Variants in TANGO6 observed in about 807,000 individuals in gnomAD.
TANGO6 encodes transport and golgi organization 6 homolog.
TANGO6 carries 90 observed loss-of-function variants against 114.2 expected under a neutral mutation model. That is an observed-to-expected ratio of 0.79 (90% CI 0.66 to 0.94). TANGO6 has a LOEUF of 0.94. TANGO6 is among the 40% of genes least tolerant of loss of function. The pLI is 0.00. For synonymous variants in TANGO6, 477 were observed against 509.8 expected, an observed-to-expected ratio of 0.94 and a Z score of 0.87; for missense variants, 1,274 against 1,315.3, an observed-to-expected ratio of 0.97 and a Z score of 0.49.
chr16:69,045,526 G>A (rs1403766108), intron 17 of TANGO6, among the ~76,000 whole-genome samples: 1 of 150,630 alleles, frequency 6.6e-6, no homozygotes, highest in Admixed American at 6.7e-5. Context: ...GGCGGATCAC[G>A]AGTTCAGGAG....
chr16:68,943,419 A>G (rs1392779749), intron 14 of TANGO6, among the ~76,000 whole-genome samples: 1 of 145,822 alleles, frequency 6.9e-6, no homozygotes, highest in Non-Finnish European at 1.5e-5. Context: ...GCTGGAGTGC[A>G]GTGGCGCAGT....
intron 9 of TANGO6, 137 bp from the exon 10 acceptor site, chr16:68,907,306 A>C: frequency 9.9e-7 from 1 of 1,012,930 alleles, no homozygotes; most frequent in Non-Finnish European, 1.4e-6. Flanking sequence ...CAATAAAATA[A>C]GTTAAATAAA....
chr16:68,931,545 A>T (rs1963240014), intron 14 of TANGO6, among the ~76,000 whole-genome samples: 1 of 152,232 alleles, frequency 6.6e-6, no homozygotes, highest in South Asian at 2.1e-4. Flanking sequence ...TGTGGTATAT[A>T]TATGCAATGG....
At chr16:69,009,437 C>T (rs911747789) in intron 15 of TANGO6, among the ~76,000 whole-genome samples, 6 of 152,040 alleles carry the variant, frequency 3.9e-5, no homozygotes, top group South Asian at 2.1e-4. Flanking sequence ...ATTATTAGGC[C>T]GGTATATACT....
chr16:68,906,792 C>CT (rs35841953), intron 9 of TANGO6, among the ~76,000 whole-genome samples: 4,176 of 132,974 alleles, frequency 0.031, 112 homozygotes, highest in Admixed American at 0.079. Flanking sequence ...GTTTCTTCTT[C>CT]TTTTTTTTTT....
intron 4 of TANGO6, among the ~76,000 whole-genome samples, chr16:68,872,144 C>T (rs1019075439): frequency 6.6e-6 from 1 of 151,038 alleles, no homozygotes; most frequent in African/African-American, 2.4e-5. Flanking sequence ...TCGCTTGAAC[C>T]TGGGAGGTGG....
At chr16:69,043,256 AAGTG>A (rs1277330855) in intron 17 of TANGO6, among the ~76,000 whole-genome samples, 4 of 146,618 alleles carry the variant, frequency 2.7e-5, no homozygotes, top group African/African-American at 7.6e-5. Flanking sequence ...GAGAGAGTGA[AAGTG>A]AGAGCGAGCG....
At chr16:68,906,793 T>TTC (rs553727622) in intron 9 of TANGO6, among the ~76,000 whole-genome samples, 4 of 88,350 alleles carry the variant, frequency 4.5e-5, no homozygotes, top group African/African-American at 1.3e-4. Context: ...TTTCTTCTTC[T>TTC]TTTTTTTTTT....
chr16:69,015,145 G>A lies in TANGO6; in HGVS notation c.2843-7683G>A, dbSNP rs528171400. Among the ~76,000 whole-genome samples, 37 of 152,248 alleles carry A rather than the reference G, an allele frequency of 2.4e-4. No individual in the cohort carries two copies. The South Asian group carries it at 6.0e-3, about 25-fold the overall frequency. On this transcript the variant is annotated intron_variant, in intron 15 of 17. Coordinates refer to ENST00000261778, the MANE Select transcript of TANGO6 (RefSeq NM_024562.2). ...GGTAGCAGAGCCCCAAGAAATGAAG[G>A]CAAGGTCATAAATCCCCAAAGAAGA...
chr16:69,017,964 C>T (rs1050718360), intron 15 of TANGO6, among the ~76,000 whole-genome samples: 7 of 144,592 alleles, frequency 4.8e-5, no homozygotes, highest in South Asian at 2.2e-4. Flanking sequence ...AGTGCAATGG[C>T]GTGATCTCAG....
chr16:68,855,579 C>CA (rs956808719), intron 1 of TANGO6, among the ~76,000 whole-genome samples: 56 of 134,052 alleles, frequency 4.2e-4, no homozygotes, highest in East Asian at 3.5e-3. Flanking sequence ...AAAACTGTCT[C>CA]AAAAAAAAAA....
At position 68,860,186 on chromosome 16, in the gene TANGO6, A is replaced by G; in HGVS notation, c.397A>G (p.Ser133Gly). The G allele has an allele frequency of 6.2e-7, 1 of 1,613,990 alleles. No homozygotes were observed. The highest frequency in any genetic ancestry group is 8.5e-7 in the Non-Finnish European group (1 of 1,179,894). The change falls in exon 2 of 18, where the codon AGC (serine) becomes GGC (glycine). Residue 133 changes from serine (S) to glycine (G), a missense_variant. This residue lies in a region of TANGO6 where 908 missense variants were observed against 910.2 expected (regional missense o/e 1.00). Coordinates refer to ENST00000261778, the MANE Select transcript of TANGO6 (RefSeq NM_024562.2). ...PRTPEVAPALSPDALSISQQK... is the reference protein window; with the variant it reads ...PRTPEVAPALGPDALSISQQK... ...GACTCCGGAAGTTGCTCCTGCCCTG[A>G]GCCCCGATGCACTTAGTATCTCACA... is the stretch of plus-strand genomic sequence containing the variant.
chr16:68,870,448 A>T, intron 4 of TANGO6, among the ~76,000 whole-genome samples: 1 of 152,118 alleles, frequency 6.6e-6, no homozygotes, highest in East Asian at 1.9e-4. Context: ...TGAAATAACA[A>T]ATGATCAGTT....
In TANGO6 at chr16:68,860,263, C is replaced by T. The variant is rs1414858659; in HGVS notation, c.474C>T (p.Cys158=). 6.2e-7 allele frequency: 1 copy of T among 1,613,956 alleles called. No individual in the cohort carries two copies. Among genetic ancestry groups the T allele is most frequent in the African/African-American group, 1.3e-5 (1 of 75,024 alleles). ...AGTTTGTAGTTACCTTGGGTATCTG[C>T]CCCTATCTCATGCCTGGTGTTGGAG... ...VLQFVVTLGI[C]PYLMPGVGVP... Residue 158 remains cysteine, a synonymous_variant, in exon 2 of 18, where the codon TGC becomes TGT. Transcript: ENST00000261778.
At chr16:68,853,627 A>G (rs943895681) in intron 1 of TANGO6, among the ~76,000 whole-genome samples, 5 of 152,172 alleles carry the variant, frequency 3.3e-5, no homozygotes, top group African/African-American at 9.7e-5. Context: ...ATGAAAATGT[A>G]TATTGTGTAT....
Position 68,943,248 on chromosome 16 carries a change from CT to C in TANGO6, c.2701+12961del, listed in dbSNP as rs373777162. ...TTTTATTTTTTATTTCTCTTTTTTT[CT>C]TTTTTTTCTTTATTTTATTTTATTA... On this transcript the variant is annotated intron_variant, in intron 14 of 17. Transcript: ENST00000261778. Among the ~76,000 whole-genome samples the C allele has an allele frequency of 3.6e-3, 518 of 144,504 alleles. 15 individuals are homozygous for C. In the East Asian group the frequency reaches 0.081, roughly 23 times the overall value. The allele number at this position is 144,504 out of a possible 152,430, so 94.8% of individuals were successfully genotyped here.
At chr16:69,016,644 ATTTAT>A (rs945356970) in intron 15 of TANGO6, among the ~76,000 whole-genome samples, 2 of 152,042 alleles carry the variant, frequency 1.3e-5, no homozygotes, top group South Asian at 2.1e-4. Flanking sequence ...GTTTTAAAAT[ATTTAT>A]TTTATGTATT....
At chr16:69,063,670 A>AC (rs1960165354) in intron 17 of TANGO6, among the ~76,000 whole-genome samples, 3 of 146,986 alleles carry the variant, frequency 2.0e-5, no homozygotes, top group Admixed American at 6.8e-5. Flanking sequence ...AAAAAAAAAA[A>AC]CAAAGTTCTT....
intron 17 of TANGO6, among the ~76,000 whole-genome samples, chr16:69,042,344 C>T (rs1320733171): frequency 2.0e-5 from 3 of 151,930 alleles, no homozygotes; most frequent in African/African-American, 4.8e-5. Flanking sequence ...GTCGGGAATT[C>T]GAGATCAGCC....
Sources: gnomAD v4.1 joint callset for allele counts (sites outside exome capture counted in the v4.1 genomes callset) on GRCh38, gnomAD v4.1.1 for gene constraint, gnomAD v4.1.1 regional missense constraint, MANE v1.5 for transcripts, NCBI Gene and HGNC (gene_info 2026-07-23, HGNC 2026-07-21) for gene names.